Variants in KCNC1 observed in about 807,000 individuals in gnomAD.
The protein encoded by KCNC1 is voltage-gated potassium channel KCNC1.
KCNC1 carries 8 observed loss-of-function variants against 43.4 expected under a neutral mutation model. The observed-to-expected ratio is 0.18, with a 90% CI of 0.11 to 0.33. The LOEUF (loss-of-function observed/expected upper bound fraction) is 0.33. Among genes scored for constraint, KCNC1 ranks in the 10% least tolerant of loss-of-function variants. KCNC1 has a pLI of 1.00. For synonymous variants in KCNC1, 361 were observed against 360.5 expected (o/e 1.00, Z -0.01); for missense variants, 420 against 836.0 (o/e 0.50, Z 6.14).
intron 1 of KCNC1, among the ~76,000 whole-genome samples, chr11:17,738,013 G>T (rs1474451472): frequency 6.6e-6 from 1 of 152,048 alleles, no homozygotes; most frequent in Admixed American, 6.5e-5. Context: ...GGGGCGGGCG[G>T]GGGGCAGGTA....
intron 2 of KCNC1, 79 bp downstream of exon 2, chr11:17,772,677 C>A: frequency 1.3e-6 from 2 of 1,556,138 alleles, no homozygotes; most frequent in Admixed American, 1.9e-5. Flanking sequence ...TCCAGTCAGA[C>A]TGCTTCCTTA....
Position 17,781,443 on chromosome 11 carries a change from A to T in KCNC1, c.1694-227A>T. On this transcript the variant is annotated intron_variant, in intron 3 of 3. Transcript: ENST00000265969. The surrounding 1 kb of genome is among the most constrained non-coding windows in gnomAD (Gnocchi z 5.1). ...AGAAGGCATGCAGGTGTGTGAGTCAATGTGCAGAGCAGAAGTAGGGACTCA... is the reference window on the plus strand; with the variant it reads ...AGAAGGCATGCAGGTGTGTGAGTCATTGTGCAGAGCAGAAGTAGGGACTCA... The T allele has an allele frequency of 1.9e-6, 1 of 516,570 alleles. No homozygotes were observed. Among genetic ancestry groups the T allele is most frequent in the Non-Finnish European group, 3.4e-6 (1 of 293,844 alleles). The allele number at this position is 516,570 out of a possible 1,614,324, so 32.0% of individuals were successfully genotyped here.
chr11:17,767,915 T>C (rs923575938), intron 1 of KCNC1, among the ~76,000 whole-genome samples: 1 of 152,244 alleles, frequency 6.6e-6, no homozygotes, highest in Non-Finnish European at 1.5e-5. Context: ...CATTGGTCCC[T>C]GAGAAACAAA....
In KCNC1 at chr11:17,777,742, A is replaced by G. The variant is rs1849302053; in HGVS notation, c.1505-1714A>G. The G allele has an allele frequency of 1.0e-6, 1 of 986,004 alleles. No individual in the cohort carries two copies. The highest frequency in any genetic ancestry group is 1.2e-6 in the Non-Finnish European group (1 of 830,000). 61.1% of individuals were successfully genotyped at this position (986,004 alleles called of 1,614,324 possible). On this transcript the variant is annotated intron_variant, in intron 2 of 3. Transcript: ENST00000265969. This position sits in a 1 kb window ranked among gnomAD's most constrained non-coding sequence, Gnocchi z 4.3. Reference sequence around the variant, plus strand: ...GTGAAATGCTTTGCCATCTTGTACGAAAGACTTTTTTTTTAAGTTCCAAAA... The same window carrying G: ...GTGAAATGCTTTGCCATCTTGTACGGAAGACTTTTTTTTTAAGTTCCAAAA...
Position 17,763,908 on chromosome 11 carries a change from A to ACCC in KCNC1, c.571-7756_571-7755insCCC, listed in dbSNP as rs147562408. 1.7e-5 allele frequency among the ~76,000 whole-genome samples: 2 copies of ACCC among 114,822 alleles called. 1 individual carries two copies. The highest frequency in any genetic ancestry group is 3.3e-5 in the Non-Finnish European group (2 of 59,702). The allele number at this position is 114,822 out of a possible 152,430, so 75.3% of individuals were successfully genotyped here. ...ACACCCACACCCACACACAAACCCC[A>ACCC]CACACCACACATGCACATATACACG... On this transcript the variant is annotated intron_variant, in intron 1 of 3. Transcript: ENST00000265969.
rs143559782 is a variant in KCNC1, at chr11:17,772,192, C to G, written c.1098C>G (p.Ala366=). The G allele has an allele frequency of 8.7e-6, 14 of 1,614,064 alleles. No individual in the cohort carries two copies. Among genetic ancestry groups the G allele is most frequent in the Non-Finnish European group, 1.0e-5 (12 of 1,180,032 alleles). Residue 366 remains alanine (A), a synonymous_variant, in exon 2 of 4, where the codon GCC becomes GCG. Transcript: ENST00000265969. ...TCTTCGCCACCATGATCTACTACGC[C>G]GAGAGGATAGGGGCACAGCCCAATG... ...VLIFATMIYY[A]ERIGAQPNDP...
At chr11:17,737,884 G>T (rs1191665330) in intron 1 of KCNC1, among the ~76,000 whole-genome samples, 1 of 152,108 alleles carries the variant, frequency 6.6e-6, no homozygotes, top group African/African-American at 2.4e-5. Flanking sequence ...GGAAGTTGCA[G>T]AGGAGAGTGG....
At position 17,779,111 on chromosome 11, in the gene KCNC1, A is replaced by G. The variant is rs779392560; in HGVS notation, c.1505-345A>G. The stretch of plus-strand genomic sequence containing the variant: ...GCTCTGTGTCTGGCTCTCCCCCATG[A>G]CTGCATCCACACCATCCTGTTTCAT... On this transcript the variant is annotated intron_variant, in intron 2 of 3. Transcript: ENST00000265969. The surrounding 1 kb of genome is among the most constrained non-coding windows in gnomAD (Gnocchi z 7.2). 5.6e-5 allele frequency: 11 copies of G among 197,696 alleles called. No individual in the cohort carries two copies. Among genetic ancestry groups the G allele is most frequent in the Non-Finnish European group, 8.2e-5 (8 of 98,062 alleles). The allele number at this position is 197,696 out of a possible 1,614,324, so 12.2% of individuals were successfully genotyped here.
intron 1 of KCNC1, among the ~76,000 whole-genome samples, chr11:17,770,103 C>T (rs1451745612): frequency 6.6e-6 from 1 of 152,252 alleles, no homozygotes; most frequent in Non-Finnish European, 1.5e-5. Context: ...TTAATCCAAA[C>T]AAGACTGTTC....
chr11:17,779,791 C>T lies in KCNC1; in HGVS notation c.1693+147C>T. The T allele has an allele frequency of 1.6e-6, 1 of 611,200 alleles. No homozygotes were observed. Among genetic ancestry groups the T allele is most frequent in the Non-Finnish European group, 2.6e-6 (1 of 386,446 alleles). 37.9% of individuals were successfully genotyped at this position (611,200 alleles called of 1,614,324 possible). A position where few individuals can be genotyped will look rare whatever the true frequency, so the allele number is the denominator to read the frequency against. ...ATGGAGGGAATCTCCCAGGGTCGGC[C>T]CCTGGAGGGCTGAGGCCCTTCCCCC... On this transcript the variant is annotated intron_variant, in intron 3 of 3. Coordinates refer to ENST00000265969, the MANE Select transcript of KCNC1 (RefSeq NM_001112741.2). The surrounding 1 kb of genome is among the most constrained non-coding windows in gnomAD (Gnocchi z 7.2).
intron 3 of KCNC1, chr11:17,780,307 G>A (rs1849331242): frequency 6.6e-6 from 1 of 152,580 alleles, no homozygotes; most frequent in South Asian, 2.1e-4. Flanking sequence ...CCAGGGTGTG[G>A]TCAGCACCCT....
At position 17,777,205 on chromosome 11, in the gene KCNC1, G is replaced by A; in HGVS notation, c.1505-2251G>A. 1 of 985,726 alleles carries A rather than the reference G, an allele frequency of 1.0e-6. No individual in the cohort carries two copies. Among genetic ancestry groups the A allele is most frequent in the Non-Finnish European group, 1.2e-6 (1 of 830,028 alleles). The allele number at this position is 985,726 out of a possible 1,614,324, so 61.1% of individuals were successfully genotyped here. On this transcript the variant is annotated intron_variant, in intron 2 of 3. Coordinates refer to ENST00000265969, the MANE Select transcript of KCNC1 (RefSeq NM_001112741.2). The surrounding 1 kb of genome is among the most constrained non-coding windows in gnomAD (Gnocchi z 4.3). ...GCCCAGCATTCAGAGCCAGAGAAGG[G>A]TCTCAGGCGGCACCATCTCCACAGA...
chr11:17,776,853 G>C lies in KCNC1; in HGVS notation c.1505-2603G>C. ...CCACCCCTCTGGAGTTGGGGAGGGAGAATGCCCCAGTTTCTGAAAGCATCT... is the reference window on the plus strand; with the variant it reads ...CCACCCCTCTGGAGTTGGGGAGGGACAATGCCCCAGTTTCTGAAAGCATCT... On this transcript the variant is annotated intron_variant, in intron 2 of 3. Coordinates refer to ENST00000265969, the MANE Select transcript of KCNC1 (RefSeq NM_001112741.2). This position sits in a 1 kb window ranked among gnomAD's most constrained non-coding sequence, Gnocchi z 4.4. 1 of 985,494 alleles carries C rather than the reference G, an allele frequency of 1.0e-6. No homozygotes were observed. The highest frequency in any genetic ancestry group is 1.2e-6 in the Non-Finnish European group (1 of 830,032). 61.0% of individuals were successfully genotyped at this position (985,494 alleles called of 1,614,324 possible).
rs1413844686 is a variant in KCNC1, at chr11:17,782,617, A to G, written c.*883A>G. 6.6e-6 allele frequency: 1 copy of G among 152,214 alleles called. No individual in the cohort carries two copies. The highest frequency in any genetic ancestry group is 1.5e-5 in the Non-Finnish European group (1 of 68,046). 9.4% of individuals were successfully genotyped at this position (152,214 alleles called of 1,614,324 possible). A position where few individuals can be genotyped will look rare whatever the true frequency, so the allele number is the denominator to read the frequency against. ...GACCACGGGAGGAGCAGCCTCCTCCACCTTTACTAAGGCACAACCTGGCAT... is the reference window on the plus strand; with the variant it reads ...GACCACGGGAGGAGCAGCCTCCTCCGCCTTTACTAAGGCACAACCTGGCAT... On this transcript the variant is annotated 3_prime_UTR_variant, in exon 4 of 4. Coordinates refer to ENST00000265969, the MANE Select transcript of KCNC1 (RefSeq NM_001112741.2).
rs1541406 is a variant in KCNC1 at position 17,779,278 on chromosome 11, C to T, written c.1505-178C>T. ...GCAGCCCGAAGGCTGCCTGAATGAG[C>T]TGAACCCCCCACCAAGCCCCCTGCC... On this transcript the variant is annotated intron_variant, in intron 2 of 3. Coordinates refer to ENST00000265969, the MANE Select transcript of KCNC1 (RefSeq NM_001112741.2). The surrounding 1 kb of genome is among the most constrained non-coding windows in gnomAD (Gnocchi z 7.2). 1.9e-3 allele frequency: 1,058 copies of T among 564,714 alleles called. 2 individuals are homozygous for T. The highest frequency in any genetic ancestry group is 4.4e-3 in the Admixed American group (130 of 29,228). The allele number at this position is 564,714 out of a possible 1,614,324, so 35.0% of individuals were successfully genotyped here.
At chr11:17,775,989 G>A (rs1234333736) in intron 2 of KCNC1, 2 of 985,338 alleles carry the variant, frequency 2.0e-6, no homozygotes, top group South Asian at 9.4e-5. Context: ...ATGGAGGGGG[G>A]AGGGAGCTGG....
chr11:17,760,896 C>T (rs980364066), intron 1 of KCNC1, among the ~76,000 whole-genome samples: 2 of 152,198 alleles, frequency 1.3e-5, no homozygotes, highest in African/African-American at 2.4e-5. Context: ...TGGGAAGCCC[C>T]GGAAGCAGGG....
intron 1 of KCNC1, among the ~76,000 whole-genome samples, chr11:17,757,343 A>G (rs1849034064): frequency 6.6e-6 from 1 of 152,176 alleles, no homozygotes. Context: ...GCATGTCCTG[A>G]GTCTTATCTG....
chr11:17,755,008 A>G (rs1849008347), intron 1 of KCNC1, among the ~76,000 whole-genome samples: 1 of 152,162 alleles, frequency 6.6e-6, no homozygotes, highest in African/African-American at 2.4e-5. Context: ...CAGCAGAGTA[A>G]GGAAAACCAG....
Sources: gnomAD v4.1 joint callset for allele counts (sites outside exome capture counted in the v4.1 genomes callset) on GRCh38, gnomAD v4.1.1 for gene constraint, Gnocchi (gnomAD v3.1) non-coding constraint, MANE v1.5 for transcripts, NCBI Gene and HGNC (gene_info 2026-07-23, HGNC 2026-07-21) for gene names.